MYO1F: variants seen among roughly 807,000 people sequenced by gnomAD.
MYO1F encodes the protein unconventional myosin-If.
MYO1F carries 60 observed loss-of-function variants against 146.6 expected under a neutral mutation model. The observed-to-expected ratio is 0.41, with a 90% CI of 0.33 to 0.51. The LOEUF (loss-of-function observed/expected upper bound fraction) is 0.51, where lower values mean the gene tolerates loss of function less well. Among genes scored for constraint, MYO1F ranks in the 20% least tolerant of loss-of-function variants. The pLI, the probability that MYO1F is intolerant of heterozygous loss-of-function variation, is 0.25. For synonymous variants in MYO1F, 602 were observed against 602.1 expected, an observed-to-expected ratio of 1.00 and a Z score of 0.00; for missense variants, 1,274 against 1,534.3, an observed-to-expected ratio of 0.83 and a Z score of 2.83.
At chr19:8,526,371 A>T in intron 24 of MYO1F, 82 bp downstream of exon 24, 1 of 1,518,936 alleles carries the variant, frequency 6.6e-7, no homozygotes, top group Non-Finnish European at 8.9e-7. Flanking sequence ...CTCTCTGTAG[A>T]CACTCCCCTT....
intron 19 of MYO1F, among the ~76,000 whole-genome samples, chr19:8,534,302 TTTTTCTTTTC>T (rs928099007): frequency 6.6e-5 from 10 of 152,210 alleles, no homozygotes; most frequent in Non-Finnish European, 1.3e-4. Context: ...CCGTTGGCTA[TTTTTCTTTTC>T]TTTTCTTTTC....
At position 8,530,027 on chromosome 19, in the gene MYO1F, G is replaced by T; in HGVS notation, c.2328+169C>A. The T allele has an allele frequency of 1.1e-6, 1 of 870,916 alleles. No homozygotes were observed. Among genetic ancestry groups the T allele is most frequent in the South Asian group, 1.4e-5 (1 of 70,890 alleles). 53.9% of individuals were successfully genotyped at this position (870,916 alleles called of 1,614,324 possible). Reference sequence around the variant, plus strand: ...GATGGAACAGATGGATCTAGGCTGGGGGATCTATGCCTGTGGGCAGGTGCA... The same window carrying T: ...GATGGAACAGATGGATCTAGGCTGGTGGATCTATGCCTGTGGGCAGGTGCA... On this transcript the variant is annotated intron_variant, in intron 21 of 27. Transcript: ENST00000644032. This position sits in a 1 kb window ranked among gnomAD's most constrained non-coding sequence, Gnocchi z 5.8.
intron 1 of MYO1F, among the ~76,000 whole-genome samples, chr19:8,556,328 C>T (rs111393660): frequency 0.082 from 12,429 of 150,724 alleles, 1,376 homozygotes; most frequent in African/African-American, 0.25. Flanking sequence ...CCGCACCCGG[C>T]CTCTTTTTTT....
Position 8,545,647 on chromosome 19 carries a change from C to T in MYO1F, c.1356+3G>A, listed in dbSNP as rs756102919. 10 of 1,613,546 alleles carry T rather than the reference C, an allele frequency of 6.2e-6. No homozygotes were observed. In the Admixed American group the frequency reaches 1.5e-4, roughly 24 times the overall value. ...CCCCCGCCAAAGTTGACCCAGCCCT[C>T]ACCAGCTTGTTTTCGATGAGGTCAC... On this transcript the variant is annotated splice_donor_region_variant and intron_variant, in intron 13 of 27. Transcript: ENST00000644032.
chr19:8,536,311 T>C lies in MYO1F; in HGVS notation c.1984A>G (p.Met662Val), dbSNP rs376655905. ...CCCATCTGGTACTGGTCGGGCTCCATGTTGACCGCCCGAAGCAGGTGCTGG... is the reference window on the plus strand; with the variant it reads ...CCCATCTGGTACTGGTCGGGCTCCACGTTGACCGCCCGAAGCAGGTGCTGG... ...GVQHLLRAVN[M>V]EPDQYQMGST... Residue 662 changes from methionine to valine, a missense_variant, in exon 19 of 28, where the codon ATG (methionine) becomes GTG (valine). Met to Val is a conservative substitution (Grantham distance 21). This residue lies in a region of MYO1F where 900 missense variants were observed against 1,155.1 expected (regional missense o/e 0.78). Coordinates refer to ENST00000644032, the MANE Select transcript of MYO1F (RefSeq NM_012335.4). 8.7e-6 allele frequency: 14 copies of C among 1,608,196 alleles called. No homozygotes were observed. Among genetic ancestry groups the C allele is most frequent in the African/African-American group, 4.0e-5 (3 of 74,798 alleles).
At chr19:8,549,494 A>T (rs1361036114) in intron 10 of MYO1F, 1 of 151,874 alleles carries the variant, frequency 6.6e-6, no homozygotes, top group Non-Finnish European at 1.5e-5. Context: ...GACTCCATAC[A>T]TTAAAAAAGT....
intron 1 of MYO1F, among the ~76,000 whole-genome samples, chr19:8,571,350 C>T (rs1420973558): frequency 1.3e-5 from 2 of 152,166 alleles, no homozygotes; most frequent in African/African-American, 4.8e-5. Flanking sequence ...AACATTCTCA[C>T]CTCCAAAGGC....
chr19:8,556,516 G>GAGAA lies in MYO1F; in HGVS notation c.4-724_4-721dup, dbSNP rs113057816. On this transcript the variant is annotated intron_variant, in intron 1 of 27. Transcript: ENST00000644032. The stretch of plus-strand genomic sequence containing the variant: ...AAAGAAAGAAAGAAAGAGAAAGAAA[G>GAGAA]AGAAAGAAAGAAAGAAATGAGATCT... Among the ~76,000 whole-genome samples, 1,337 of 149,466 alleles carry GAGAA rather than the reference G, an allele frequency of 8.9e-3. 24 individuals are homozygous for GAGAA. Among genetic ancestry groups the GAGAA allele is most frequent in the African/African-American group, 0.031 (1,273 of 40,468 alleles).
chr19:8,551,067 T>A (rs916696605), intron 8 of MYO1F, among the ~76,000 whole-genome samples: 2 of 151,022 alleles, frequency 1.3e-5, no homozygotes, highest in Non-Finnish European at 3.0e-5. Context: ...TCCTATTTTT[T>A]TTTTTTTAGA....
intron 1 of MYO1F, among the ~76,000 whole-genome samples, chr19:8,569,021 T>C (rs1037466411): frequency 1.3e-5 from 2 of 152,090 alleles, no homozygotes; most frequent in African/African-American, 2.4e-5. Context: ...CCGAGATGCC[T>C]CAGGAAATGT....
chr19:8,542,454 T>C (rs926058092), intron 14 of MYO1F, among the ~76,000 whole-genome samples: 6 of 149,940 alleles, frequency 4.0e-5, no homozygotes, highest in African/African-American at 1.5e-4. Context: ...GTAACAGCCC[T>C]GTCTCAGGGA....
At chr19:8,567,273 G>A (rs2042022846) in intron 1 of MYO1F, among the ~76,000 whole-genome samples, 1 of 151,450 alleles carries the variant, frequency 6.6e-6, no homozygotes, top group South Asian at 2.1e-4. Context: ...CACCATCTTG[G>A]CCAGGCTGGT....
chr19:8,524,893 G>A (rs988859448), intron 25 of MYO1F, among the ~76,000 whole-genome samples: 6 of 152,110 alleles, frequency 3.9e-5, no homozygotes, highest in African/African-American at 1.2e-4. Context: ...TTTGTGAATT[G>A]GGAAAATAAG....
intron 8 of MYO1F, chr19:8,551,391 G>C: frequency 3.9e-6 from 1 of 255,664 alleles, no homozygotes; most frequent in Non-Finnish European, 7.2e-6. Flanking sequence ...TCACTCTGTT[G>C]CCCAGGCTGG....
At chr19:8,543,855 GTGCTGGTGGTGCTGGTGGTGC>G in intron 14 of MYO1F, among the ~76,000 whole-genome samples, 1 of 48,984 alleles carries the variant, frequency 2.0e-5, no homozygotes, top group Non-Finnish European at 3.7e-5. Flanking sequence ...GGTGGTGGTG[GTGCTGGTGGTGCTGGTGGTGC>G]TGGTGGTGGT....
At chr19:8,573,740 C>T (rs1243160842) in intron 1 of MYO1F, among the ~76,000 whole-genome samples, 1 of 152,086 alleles carries the variant, frequency 6.6e-6, no homozygotes, top group East Asian at 1.9e-4. Flanking sequence ...ATCTCAGCTA[C>T]TTGGGAGGCT....
In MYO1F at chr19:8,529,830, G is replaced by A. The variant is rs370187317; in HGVS notation, c.2328+366C>T. 412 of 416,016 alleles carry A rather than the reference G, an allele frequency of 9.9e-4. 6 individuals carry two copies. The highest frequency in any genetic ancestry group is 8.0e-3 in the South Asian group (385 of 48,022). 25.8% of individuals were successfully genotyped at this position (416,016 alleles called of 1,614,324 possible). A position where few individuals can be genotyped will look rare whatever the true frequency, so the allele number is the denominator to read the frequency against. Reference sequence around the variant, plus strand: ...ACCTGTGGGCAGGTGTGTCTGTGCCGGGTAATGATGTACCTGTGATGGAAC... The same window carrying A: ...ACCTGTGGGCAGGTGTGTCTGTGCCAGGTAATGATGTACCTGTGATGGAAC... On this transcript the variant is annotated intron_variant, in intron 21 of 27. Transcript: ENST00000644032.
At chr19:8,558,386 T>C (rs996258172) in intron 1 of MYO1F, among the ~76,000 whole-genome samples, 6 of 151,470 alleles carry the variant, frequency 4.0e-5, no homozygotes, top group Non-Finnish European at 8.8e-5. Context: ...GGCTGGTCTT[T>C]AACTTCTGGC....
At chr19:8,551,593 C>T in intron 8 of MYO1F, 147 bp downstream of exon 8, 1 of 1,164,366 alleles carries the variant, frequency 8.6e-7, no homozygotes, top group Non-Finnish European at 1.3e-6. Context: ...CTTAAGTGAT[C>T]TACCTGCCTC....
Sources: allele counts gnomAD v4.1 joint callset (sites outside exome capture counted in the v4.1 genomes callset), GRCh38; gene constraint gnomAD v4.1.1; regional missense constraint gnomAD v4.1.1; non-coding constraint Gnocchi (gnomAD v3.1); transcripts MANE v1.5; gene names NCBI Gene and HGNC (gene_info 2026-07-23, HGNC 2026-07-21).